LMO2: variants seen among roughly 807,000 people sequenced by gnomAD.
LMO2 encodes rhombotin-2.
In LMO2, 20 loss-of-function variants were observed where a neutral mutation model predicts 23.2. The ratio of observed to expected loss-of-function variants is 0.86; its 90% CI spans 0.61 to 1.25. The LOEUF (loss-of-function observed/expected upper bound fraction) is 1.25. Among genes scored for constraint, LMO2 ranks in the 50% most tolerant of loss-of-function variants. LMO2 has a pLI of 0.00. For synonymous variants in LMO2, 123 were observed against 130.2 expected (o/e 0.94, Z 0.38); for missense variants, 270 against 315.3 (o/e 0.86, Z 1.09).
At position 33,869,571 on chromosome 11, in the gene LMO2, A is replaced by T; in HGVS notation, c.23T>A (p.Val8Asp). Reference sequence around the variant, plus strand: ...CGAGCTCGCCCCTCCGCGCTCAAGGACAGTCACCGCGCTCCCTTCAAACGC... The same window carrying T: ...CGAGCTCGCCCCTCCGCGCTCAAGGTCAGTCACCGCGCTCCCTTCAAACGC... Reference protein sequence around the residue: MEGSAVTVLERGGASSPA... With the variant: MEGSAVTDLERGGASSPA... Residue 8 changes from valine (V) to aspartate (D), a missense_variant, in exon 4 of 6, where the codon GTC (valine) becomes GAC (aspartate). Coordinates refer to ENST00000257818, the MANE Select transcript of LMO2 (RefSeq NM_005574.4). 1 of 1,299,026 alleles carries T rather than the reference A, an allele frequency of 7.7e-7. No individual in the cohort carries two copies. The highest frequency in any genetic ancestry group is 9.9e-7 in the Non-Finnish European group (1 of 1,010,880). 80.5% of individuals were successfully genotyped at this position (1,299,026 alleles called of 1,614,324 possible). A position where few individuals can be genotyped will look rare whatever the true frequency, so the allele number is the denominator to read the frequency against.
At chr11:33,871,989 C>G (rs138084743) in intron 2 of LMO2, among the ~76,000 whole-genome samples, 17 of 152,088 alleles carry the variant, frequency 1.1e-4, no homozygotes, top group Admixed American at 1.3e-4. Context: ...CCTGGCCGGG[C>G]TCGGTGGCCC....
intron 1 of LMO2, among the ~76,000 whole-genome samples, chr11:33,883,660 C>T (rs913771825): frequency 5.3e-5 from 8 of 152,054 alleles, no homozygotes; most frequent in Non-Finnish European, 8.8e-5. Flanking sequence ...CCTTGATGAG[C>T]GATTATCTGG....
chr11:33,889,389 C>T (rs905251723), intron 1 of LMO2, among the ~76,000 whole-genome samples: 1 of 152,144 alleles, frequency 6.6e-6, no homozygotes, highest in African/African-American at 2.4e-5. Context: ...AGGCCAGATA[C>T]GGGCCAGGCA....
chr11:33,891,643 A>G (rs1233558832), intron 1 of LMO2, among the ~76,000 whole-genome samples, 152 bp downstream of exon 1: 2 of 152,196 alleles, frequency 1.3e-5, no homozygotes, highest in African/African-American at 4.8e-5. Context: ...GAGTGCCCGG[A>G]ACACCACAGG....
chr11:33,867,852 TC>T (rs893583113), intron 4 of LMO2, among the ~76,000 whole-genome samples: 1 of 152,198 alleles, frequency 6.6e-6, no homozygotes, highest in African/African-American at 2.4e-5. Context: ...GTGACTAAAT[TC>T]TGCTGATCAA....
Position 33,869,343 on chromosome 11 carries a change from T to C in LMO2, c.248+3A>G. On this transcript the variant is annotated splice_donor_region_variant and intron_variant, in intron 4 of 5. Coordinates refer to ENST00000257818, the MANE Select transcript of LMO2 (RefSeq NM_005574.4). ...GTGGCAGGGGCAGGGGGGCCGCACT[T>C]ACTCTGAAGGGTCCAGGCTCTTCCT... 1 of 1,181,082 alleles carries C rather than the reference T, an allele frequency of 8.5e-7. No homozygotes were observed. The highest frequency in any genetic ancestry group is 1.1e-6 in the Non-Finnish European group (1 of 946,736). The allele number at this position is 1,181,082 out of a possible 1,614,324, so 73.2% of individuals were successfully genotyped here. A position where few individuals can be genotyped will look rare whatever the true frequency, so the allele number is the denominator to read the frequency against.
At chr11:33,888,806 C>T (rs1039765019) in intron 1 of LMO2, among the ~76,000 whole-genome samples, 8 of 152,212 alleles carry the variant, frequency 5.3e-5, no homozygotes, top group African/African-American at 9.7e-5. Flanking sequence ...TTGACGTCTA[C>T]GTATCCGCAG....
rs1856593755 is a variant in LMO2, at chr11:33,861,881, C to CTGG, written c.465-2307_465-2306insCCA. ...CAGGTGACCTGAGCAAATGGAGTCC[C>CTGG]CTGTACAGGCTTCTGTGACTTAAGC... On this transcript the variant is annotated intron_variant, in intron 5 of 5. Transcript: ENST00000257818. 6.6e-5 allele frequency among the ~76,000 whole-genome samples: 10 copies of CTGG among 152,246 alleles called. No individual in the cohort carries two copies. In the South Asian group the frequency reaches 2.1e-3, roughly 32 times the overall value.
In LMO2 at chr11:33,880,460, A is replaced by C. The variant is rs1857254744; in HGVS notation, c.-272+1364T>G. 6.6e-6 allele frequency among the ~76,000 whole-genome samples: 1 copy of C among 152,182 alleles called. No homozygotes were observed. Among genetic ancestry groups the C allele is most frequent in the Non-Finnish European group, 1.5e-5 (1 of 68,042 alleles). On this transcript the variant is annotated intron_variant, in intron 2 of 5. Transcript: ENST00000257818. This position sits in a 1 kb window ranked among gnomAD's most constrained non-coding sequence, Gnocchi z 4.3. The stretch of plus-strand genomic sequence containing the variant: ...ATATATGATTCTACTTTTGTGAAGT[A>C]CTTAAACAAATACATAGAGACAGAA...
intron 1 of LMO2, among the ~76,000 whole-genome samples, chr11:33,888,386 GC>G (rs1045248152): frequency 6.6e-6 from 1 of 152,014 alleles, no homozygotes; most frequent in African/African-American, 2.4e-5. Context: ...TTTCCTTCTT[GC>G]CCAGAGTAAA....
intron 1 of LMO2, among the ~76,000 whole-genome samples, chr11:33,887,378 G>A (rs1030085402): frequency 2.0e-5 from 3 of 152,110 alleles, no homozygotes; most frequent in African/African-American, 7.2e-5. Flanking sequence ...TCATGAGTGT[G>A]GTCAGTTTCC....
chr11:33,880,252 G>GATATATATCATATATACACATGAT lies in LMO2; in HGVS notation c.-272+1571_-272+1572insATCATGTGTATATATGATATATAT, dbSNP rs1857243751. Among the ~76,000 whole-genome samples the GATATATATCATATATACACATGAT allele has an allele frequency of 2.3e-5, 1 of 43,916 alleles. No homozygotes were observed. The highest frequency in any genetic ancestry group is 6.7e-4 in the East Asian group (1 of 1,502). 28.8% of individuals were successfully genotyped at this position (43,916 alleles called of 152,430 possible). ...TGATATATATATCATATATACACAT[G>GATATATATCATATATACACATGAT]ATATATATATCATACATACACATGA... On this transcript the variant is annotated intron_variant, in intron 2 of 5. Transcript: ENST00000257818. The surrounding 1 kb of genome is among the most constrained non-coding windows in gnomAD (Gnocchi z 4.3).
intron 2 of LMO2, among the ~76,000 whole-genome samples, chr11:33,874,174 A>G (rs1257584243): frequency 6.6e-6 from 1 of 152,240 alleles, no homozygotes; most frequent in Non-Finnish European, 1.5e-5. Flanking sequence ...GCTCAGACTC[A>G]TTTCAGAACA....
At chr11:33,891,029 G>A (rs1857534073) in intron 1 of LMO2, among the ~76,000 whole-genome samples, 1 of 152,158 alleles carries the variant, frequency 6.6e-6, no homozygotes, top group Non-Finnish European at 1.5e-5. Context: ...AGTAATATCT[G>A]CTTCAAAGGG....
Position 33,859,482 on chromosome 11 carries a change from C to T in LMO2, c.558G>A (p.Leu186=), listed in dbSNP as rs202158823. ...GACAGGCGGCGCATTTGAAACATTC[C>T]AGGTGATACACTTTGTCTTTCACCC... is the stretch of plus-strand genomic sequence containing the variant. ...TMRVKDKVYH[L]ECFKCAACQK... is the part of the protein sequence containing the mutation. The change falls in exon 6 of 6, where the codon CTG becomes CTA. Residue 186 remains leucine, a synonymous_variant. Transcript: ENST00000257818. The T allele has an allele frequency of 6.2e-7, 1 of 1,614,068 alleles. No homozygotes were observed. Among genetic ancestry groups the T allele is most frequent in the South Asian group, 1.1e-5 (1 of 91,072 alleles).
At chr11:33,870,712 C>A (rs182018392) in intron 2 of LMO2, among the ~76,000 whole-genome samples, 1,559 of 152,314 alleles carry the variant, frequency 0.01, 15 homozygotes, top group Non-Finnish European at 0.014. Context: ...GTTAAACTGC[C>A]CCCCATGTAA....
intron 2 of LMO2, among the ~76,000 whole-genome samples, chr11:33,879,880 C>T (rs1857222884): frequency 6.6e-6 from 1 of 152,106 alleles, no homozygotes; most frequent in African/African-American, 2.4e-5. Flanking sequence ...GTTTGGAGTA[C>T]TTGTGTATTG....
At chr11:33,872,902 C>T (rs1316006203) in intron 2 of LMO2, among the ~76,000 whole-genome samples, 1 of 152,110 alleles carries the variant, frequency 6.6e-6, no homozygotes, top group East Asian at 1.9e-4. Context: ...GCTGGGATTA[C>T]AGGCGCTCGC....
Position 33,859,556 on chromosome 11 carries a change from G to A in LMO2, c.484C>T (p.Leu162Phe), listed in dbSNP as rs1287990054. Residue 162 changes from leucine (L) to phenylalanine (F), a missense_variant, in exon 6 of 6, where the codon CTC (leucine) becomes TTC (phenylalanine). Coordinates refer to ENST00000257818, the MANE Select transcript of LMO2 (RefSeq NM_005574.4). Reference protein sequence around the residue: ...DYLRLFGQDGLCASCDKRIRA... With the variant: ...DYLRLFGQDGFCASCDKRIRA... ...ATCCGCTTGTCACAGGATGCGCAGA[G>A]ACCGTCTTGCCCAAAAAGCCTGGGG... 1 of 1,613,994 alleles carries A rather than the reference G, an allele frequency of 6.2e-7. No individual in the cohort carries two copies.
Sources: gnomAD v4.1 joint callset for allele counts (sites outside exome capture counted in the v4.1 genomes callset) on GRCh38, gnomAD v4.1.1 for gene constraint, Gnocchi (gnomAD v3.1) non-coding constraint, MANE v1.5 for transcripts, NCBI Gene and HGNC (gene_info 2026-07-23, HGNC 2026-07-21) for gene names.